DISP2: variants seen among roughly 807,000 people sequenced by gnomAD.
DISP2 encodes the protein protein dispatched homolog 2.
In DISP2, 59 loss-of-function variants were observed where a neutral mutation model predicts 95.5. The observed-to-expected ratio is 0.62, with a 90% CI of 0.50 to 0.77. DISP2 has a LOEUF of 0.77. Ranked by LOEUF, DISP2 falls within the 30% of genes least tolerant of loss-of-function variation. The pLI is 0.00. For synonymous variants in DISP2, 827 were observed against 815.0 expected, an observed-to-expected ratio of 1.01 and a Z score of -0.25; for missense variants, 1,752 against 1,854.6, an observed-to-expected ratio of 0.94 and a Z score of 1.02.
At chr15:40,365,315 C>A (rs745676623) in intron 6 of DISP2, 41 bp downstream of exon 6, 2 of 1,604,622 alleles carry the variant, frequency 1.2e-6, no homozygotes, top group African/African-American at 1.3e-5. Context: ...TAATAGTGGT[C>A]CCCACCCCAC....
Position 40,368,715 on chromosome 15 carries a change from C to G in DISP2, c.2603C>G (p.Pro868Arg), listed in dbSNP as rs1218214105. 2 of 1,613,514 alleles carry G rather than the reference C, an allele frequency of 1.2e-6. No individual in the cohort carries two copies. The highest frequency in any genetic ancestry group is 1.3e-5 in the African/African-American group (1 of 75,070). ...GGCCACTCGGACTTCCCCTGGGCCC[C>G]CCAGTTTTTCCTGCACTGCCTGAAA... ...CCGHSDFPWA[P>R]QFFLHCLKMM... The change falls in exon 8 of 8, where the codon CCC (proline) becomes CGC (arginine). Residue 868 changes from proline (P) to arginine (R), a missense_variant. Coordinates refer to ENST00000267889, the MANE Select transcript of DISP2 (RefSeq NM_033510.3).
chr15:40,363,335 A>G (rs904359092), intron 1 of DISP2, among the ~76,000 whole-genome samples: 4 of 151,236 alleles, frequency 2.6e-5, no homozygotes, highest in African/African-American at 9.7e-5. Flanking sequence ...AAAATCATAT[A>G]TGTGAAAGCA....
Position 40,367,564 on chromosome 15 carries a change from C to T in DISP2, c.1452C>T (p.Phe484=), listed in dbSNP as rs760905436. The part of the protein sequence containing the change: ...LGLKQELLRH[F]LVQDTVYPLL... The stretch of plus-strand genomic sequence containing the variant: ...TCAAGCAGGAGCTGCTGAGGCACTT[C>T]CTGGTCCAGGACACGGTGTACCCCT... The change falls in exon 8 of 8, where the codon TTC becomes TTT. Residue 484 remains phenylalanine, a synonymous_variant. Coordinates refer to ENST00000267889, the MANE Select transcript of DISP2 (RefSeq NM_033510.3). The T allele has an allele frequency of 6.2e-7, 1 of 1,613,676 alleles. No individual in the cohort carries two copies. Among genetic ancestry groups the T allele is most frequent in the Non-Finnish European group, 8.5e-7 (1 of 1,179,924 alleles).
chr15:40,365,576 C>G, intron 6 of DISP2, 52 bp from the exon 7 acceptor site: 1 of 1,601,636 alleles, frequency 6.2e-7, no homozygotes, highest in Non-Finnish European at 8.6e-7. Context: ...TTTGGAGGAC[C>G]CAGGACCTGG....
In DISP2 at chr15:40,369,271, C is replaced by G; in HGVS notation, c.3159C>G (p.Ala1053=). 2 of 1,613,750 alleles carry G rather than the reference C, an allele frequency of 1.2e-6. No homozygotes were observed. Among genetic ancestry groups the G allele is most frequent in the Middle Eastern group, 1.6e-4 (1 of 6,062 alleles). ...CPHPDRLSRV[A]FSLRQTSCAT... ...ACCCTGACCGCCTGAGCCGTGTGGC[C>G]TTCTCTCTGCGCCAGACCAGCTGCG... is the stretch of plus-strand genomic sequence containing the variant. The change falls in exon 8 of 8, where the codon GCC becomes GCG. Residue 1053 remains alanine (A), a synonymous_variant. Transcript: ENST00000267889.
In DISP2 at chr15:40,358,308, T is replaced by C; in HGVS notation, c.-14T>C. On this transcript the variant is annotated 5_prime_UTR_variant, in exon 1 of 8. Coordinates refer to ENST00000267889, the MANE Select transcript of DISP2 (RefSeq NM_033510.3). ...TTCAGCACCAGCGCCCGGACAGCGGTGCCGCCCACGGGCATGGACGGTGAC... is the reference window on the plus strand; with the variant it reads ...TTCAGCACCAGCGCCCGGACAGCGGCGCCGCCCACGGGCATGGACGGTGAC... 1 of 1,302,058 alleles carries C rather than the reference T, an allele frequency of 7.7e-7. No homozygotes were observed. The highest frequency in any genetic ancestry group is 2.5e-5 in the South Asian group (1 of 40,352). 80.7% of individuals were successfully genotyped at this position (1,302,058 alleles called of 1,614,324 possible).
At position 40,367,764 on chromosome 15, in the gene DISP2, T is replaced by G; in HGVS notation, c.1652T>G (p.Leu551Arg). Residue 551 changes from leucine (L) to arginine (R), a missense_variant, in exon 8 of 8, where the codon CTG (leucine) becomes CGG (arginine). Leu to Arg is a moderately radical substitution (Grantham distance 102, BLOSUM62 -2). Around this residue, in one of 5 missense-constraint regions of DISP2, gnomAD observed 732 missense variants for 714.6 expected, o/e 1.02. Transcript: ENST00000267889. ...PFVNLAALLL[L>R]SSVCANHTLI... Reference sequence around the variant, plus strand: ...GTCAATCTGGCAGCCCTCCTCCTGCTGAGCAGCGTCTGCGCCAACCACACG... The same window carrying G: ...GTCAATCTGGCAGCCCTCCTCCTGCGGAGCAGCGTCTGCGCCAACCACACG... The G allele has an allele frequency of 6.2e-7, 1 of 1,611,054 alleles. No individual in the cohort carries two copies. The highest frequency in any genetic ancestry group is 8.5e-7 in the Non-Finnish European group (1 of 1,180,014).
rs1479265784 is a variant in DISP2, at chr15:40,374,358, C to A, written c.*4040C>A. 6.6e-6 allele frequency: 1 copy of A among 151,264 alleles called. No homozygotes were observed. Among genetic ancestry groups the A allele is most frequent in the Non-Finnish European group, 1.5e-5 (1 of 67,948 alleles). The allele number at this position is 151,264 out of a possible 1,614,324, so 9.4% of individuals were successfully genotyped here. ...TGTTAGCCAGGATGGTCTCGATCTCCTGACCTCATGATCCGCCTGCCTCGG... is the reference window on the plus strand; with the variant it reads ...TGTTAGCCAGGATGGTCTCGATCTCATGACCTCATGATCCGCCTGCCTCGG... On this transcript the variant is annotated 3_prime_UTR_variant, in exon 8 of 8. Transcript: ENST00000267889.
chr15:40,368,678 G>A lies in DISP2; in HGVS notation c.2566G>A (p.Asp856Asn), dbSNP rs963836290. The change falls in exon 8 of 8, where the codon GAC (aspartate) becomes AAC (asparagine). Residue 856 changes from aspartate (D) to asparagine (N), a missense_variant. Around this residue, in one of 5 missense-constraint regions of DISP2, gnomAD observed 317 missense variants for 394.9 expected, o/e 0.80. Coordinates refer to ENST00000267889, the MANE Select transcript of DISP2 (RefSeq NM_033510.3). ...ESPSCARLGP[D>N]LCCGHSDFPW... The stretch of plus-strand genomic sequence containing the variant: ...CCCCAGCTGCGCCCGCCTGGGGCCT[G>A]ACCTCTGCTGCGGCCACTCGGACTT... 1.2e-6 allele frequency: 2 copies of A among 1,612,014 alleles called. No individual in the cohort carries two copies. The highest frequency in any genetic ancestry group is 1.7e-6 in the Non-Finnish European group (2 of 1,180,012).
rs1319943358 is a variant in DISP2, at chr15:40,377,377, G to A, written c.*7059G>A. On this transcript the variant is annotated 3_prime_UTR_variant, in exon 8 of 8. Coordinates refer to ENST00000267889, the MANE Select transcript of DISP2 (RefSeq NM_033510.3). ...ACAACTTCCCTTTCCAGCCAAGATG[G>A]AGGAGCAGGGGCCAAGTTTATCCTC... 1 of 152,054 alleles carries A rather than the reference G, an allele frequency of 6.6e-6. No homozygotes were observed. The highest frequency in any genetic ancestry group is 1.9e-4 in the East Asian group (1 of 5,190). The allele number at this position is 152,054 out of a possible 1,614,324, so 9.4% of individuals were successfully genotyped here.
chr15:40,368,336 C>A lies in DISP2; in HGVS notation c.2224C>A (p.Pro742Thr). 6.2e-7 allele frequency: 1 copy of A among 1,603,844 alleles called. No individual in the cohort carries two copies. ...LPPPGGQVFRPSHPFERFDAE... is the reference protein window; with the variant it reads ...LPPPGGQVFRTSHPFERFDAE... Reference sequence around the variant, plus strand: ...GCCGCCCGGCGGCCAGGTCTTCCGGCCCAGCCACCCCTTCGAGCGCTTCGA... The same window carrying A: ...GCCGCCCGGCGGCCAGGTCTTCCGGACCAGCCACCCCTTCGAGCGCTTCGA... Residue 742 changes from proline (P) to threonine (T), a missense_variant, in exon 8 of 8, where the codon CCC becomes ACC. Physicochemically the swap from Pro to Thr is conservative, Grantham distance 38. This residue lies in a region of DISP2 where 732 missense variants were observed against 714.6 expected (regional missense o/e 1.02). Transcript: ENST00000267889.
Position 40,358,255 on chromosome 15 carries a change from C to A in DISP2, c.-67C>A. 1 of 861,428 alleles carries A rather than the reference C, an allele frequency of 1.2e-6. No individual in the cohort carries two copies. Among genetic ancestry groups the A allele is most frequent in the Non-Finnish European group, 1.4e-6 (1 of 709,628 alleles). The allele number at this position is 861,428 out of a possible 1,614,324, so 53.4% of individuals were successfully genotyped here. On this transcript the variant is annotated 5_prime_UTR_variant, in exon 1 of 8. Coordinates refer to ENST00000267889, the MANE Select transcript of DISP2 (RefSeq NM_033510.3). ...CACCCCGCCGCCGCTGCCGCCGCCA[C>A]CGCCGCCGCCGCCGCCGCCGCCGCG... is the stretch of plus-strand genomic sequence containing the variant.
In DISP2 at chr15:40,370,007, T is replaced by A; in HGVS notation, c.3895T>A (p.Cys1299Ser). 8 of 1,614,070 alleles carry A rather than the reference T, an allele frequency of 5.0e-6. No individual in the cohort carries two copies. The highest frequency in any genetic ancestry group is 6.8e-6 in the Non-Finnish European group (8 of 1,180,020). ...GGGGCTCAGCGTCTCTGATGAGACCTGCCTAAGCACCTCTGAGCCCAGTGC... is the reference window on the plus strand; with the variant it reads ...GGGGCTCAGCGTCTCTGATGAGACCAGCCTAAGCACCTCTGAGCCCAGTGC... ...LEGLSVSDETCLSTSEPSARV... is the reference protein window; with the variant it reads ...LEGLSVSDETSLSTSEPSARV... Residue 1299 changes from cysteine to serine, a missense_variant, in exon 8 of 8, where the codon TGC becomes AGC. Physicochemically the swap from Cys to Ser is moderately radical, Grantham distance 112. Coordinates refer to ENST00000267889, the MANE Select transcript of DISP2 (RefSeq NM_033510.3).
Position 40,376,005 on chromosome 15 carries a change from G to T in DISP2, c.*5687G>T, listed in dbSNP as rs1016342530. 1.3e-5 allele frequency: 2 copies of T among 152,172 alleles called. No individual in the cohort carries two copies. Among genetic ancestry groups the T allele is most frequent in the Non-Finnish European group, 2.9e-5 (2 of 68,044 alleles). The allele number at this position is 152,172 out of a possible 1,614,324, so 9.4% of individuals were successfully genotyped here. On this transcript the variant is annotated 3_prime_UTR_variant, in exon 8 of 8. Transcript: ENST00000267889. Reference sequence around the variant, plus strand: ...ACTTGAGAATGCTCTGCTTGAGGAAGTCCTTGAAAGAGCAAAGCCTGGAGA... The same window carrying T: ...ACTTGAGAATGCTCTGCTTGAGGAATTCCTTGAAAGAGCAAAGCCTGGAGA...
chr15:40,378,232 T>G lies in DISP2; in HGVS notation c.*7914T>G, dbSNP rs1333014327. 6.6e-6 allele frequency: 1 copy of G among 152,224 alleles called. No homozygotes were observed. The highest frequency in any genetic ancestry group is 2.4e-5 in the African/African-American group (1 of 41,446). 9.4% of individuals were successfully genotyped at this position (152,224 alleles called of 1,614,324 possible). On this transcript the variant is annotated 3_prime_UTR_variant, in exon 8 of 8. Transcript: ENST00000267889. ...ACTAAAAGAATTATTATAACTGTATTCCATATGTACTAAGTAGAGACTAGG... is the reference window on the plus strand; with the variant it reads ...ACTAAAAGAATTATTATAACTGTATGCCATATGTACTAAGTAGAGACTAGG...
chr15:40,364,143 C>G lies in DISP2; in HGVS notation c.450-83C>G, dbSNP rs1182345142. ...TACCATGGGTTATCCCTCACCTACC[C>G]ACTCCCACCCCACCTCCACCCCCAA... On this transcript the variant is annotated intron_variant, in intron 2 of 7. Transcript: ENST00000267889. 4 of 1,594,118 alleles carry G rather than the reference C, an allele frequency of 2.5e-6. No individual in the cohort carries two copies. The African/African-American group carries it at 4.0e-5, about 16-fold the overall frequency.
intron 7 of DISP2, among the ~76,000 whole-genome samples, chr15:40,366,770 G>A (rs1381209339): frequency 6.6e-6 from 1 of 152,174 alleles, no homozygotes; most frequent in Non-Finnish European, 1.5e-5. Flanking sequence ...ACTTTTACAT[G>A]GAGTTGGGGT....
In DISP2 at chr15:40,370,388, C is replaced by G. The variant is rs1159823318; in HGVS notation, c.*70C>G. Reference sequence around the variant, plus strand: ...ATGACAAGGCAAGGGCAGCAATAGGCTGGAGCCCGAAGGTATTTCTCCAGA... The same window carrying G: ...ATGACAAGGCAAGGGCAGCAATAGGGTGGAGCCCGAAGGTATTTCTCCAGA... On this transcript the variant is annotated 3_prime_UTR_variant, in exon 8 of 8. Transcript: ENST00000267889. 1 of 1,501,578 alleles carries G rather than the reference C, an allele frequency of 6.7e-7. No individual in the cohort carries two copies. The highest frequency in any genetic ancestry group is 8.8e-7 in the Non-Finnish European group (1 of 1,131,192). 93.0% of individuals were successfully genotyped at this position (1,501,578 alleles called of 1,614,324 possible). A position where few individuals can be genotyped will look rare whatever the true frequency, so the allele number is the denominator to read the frequency against.
rs190551455 is a variant in DISP2, at chr15:40,371,656, C to T, written c.*1338C>T. ...TTTAAGGACAAGTCTCTCTGTGGAG[C>T]GTTAAGCAGACCAAAGGCTGGTTCC... is the stretch of plus-strand genomic sequence containing the variant. On this transcript the variant is annotated 3_prime_UTR_variant, in exon 8 of 8. Transcript: ENST00000267889. The T allele has an allele frequency of 1.3e-5, 2 of 152,286 alleles. No homozygotes were observed. The highest frequency in any genetic ancestry group is 6.5e-5 in the Admixed American group (1 of 15,288). The allele number at this position is 152,286 out of a possible 1,614,324, so 9.4% of individuals were successfully genotyped here. A position where few individuals can be genotyped will look rare whatever the true frequency, so the allele number is the denominator to read the frequency against.
Sources: allele counts gnomAD v4.1 joint callset (sites outside exome capture counted in the v4.1 genomes callset), GRCh38; gene constraint gnomAD v4.1.1; regional missense constraint gnomAD v4.1.1; transcripts MANE v1.5; gene names NCBI Gene and HGNC (gene_info 2026-07-23, HGNC 2026-07-21).